Variants in C11orf54 observed in about 807,000 individuals in gnomAD.
C11orf54 encodes beta-keto L-gulonate decarboxylase.
A neutral mutation model predicts 35.5 loss-of-function variants in C11orf54; 29 were observed. That is an observed-to-expected ratio of 0.82 (90% CI 0.61 to 1.11). The LOEUF (loss-of-function observed/expected upper bound fraction) is 1.11, where lower values mean the gene tolerates loss of function less well. C11orf54 is among the 50% of genes most tolerant of loss of function. The probability of loss-of-function intolerance (pLI) is 0.00; values close to 1 mark genes in which losing one functional copy is unlikely to be tolerated. For synonymous variants in C11orf54, 108 were observed against 121.1 expected (o/e 0.89, Z 0.71); for missense variants, 373 against 369.2 (o/e 1.01, Z -0.08).
Position 93,753,917 on chromosome 11 carries a change from A to AT in C11orf54, c.229-13dup. The AT allele has an allele frequency of 6.2e-7, 1 of 1,605,834 alleles. No individual in the cohort carries two copies. Among genetic ancestry groups the AT allele is most frequent in the South Asian group, 1.1e-5 (1 of 90,666 alleles). On this transcript the variant is annotated intron_variant, in intron 4 of 8. Coordinates refer to ENST00000354421, the MANE Select transcript of C11orf54 (RefSeq NM_001286069.2). ...TTGTACAAGTTGTGACTTAAATAAT[A>AT]TTTTTTCCTCTTCTATAGGTTTATG...
At chr11:93,751,870 C>T (rs185521945) in intron 3 of C11orf54, among the ~76,000 whole-genome samples, 1,529 of 125,778 alleles carry the variant, frequency 0.012, 19 homozygotes, top group Middle Eastern at 0.091. Context: ...GATGGAATCT[C>T]GCTCTGTCGC....
At chr11:93,759,638 A>G (rs781385204) in intron 7 of C11orf54, 104 bp from the exon 8 acceptor site, 6 of 476,252 alleles carry the variant, frequency 1.3e-5, no homozygotes, top group Non-Finnish European at 1.6e-5. Context: ...CAGAACTTCA[A>G]GTATAATTAA....
At position 93,761,202 on chromosome 11, in the gene C11orf54, GA is replaced by G. The variant is rs572477378; in HGVS notation, c.775-306del. Among the ~76,000 whole-genome samples the G allele has an allele frequency of 2.5e-4, 38 of 152,112 alleles. No individual in the cohort carries two copies. In the South Asian group the frequency reaches 2.7e-3, roughly 11 times the overall value. ...AGATCTCAAAACTATATTGTTACAT[GA>G]AAAAAAGTTACATGCAGAAAAGTGT... On this transcript the variant is annotated intron_variant, in intron 8 of 8. Transcript: ENST00000354421.
chr11:93,748,681 C>T (rs1426880906), intron 2 of C11orf54, among the ~76,000 whole-genome samples: 1 of 147,342 alleles, frequency 6.8e-6, no homozygotes, highest in Admixed American at 6.8e-5. Flanking sequence ...ACTAAAAATA[C>T]AAAAATTAGC....
rs968512102 is a variant in C11orf54 at position 93,763,559 on chromosome 11, A to G, written c.*1871A>G. 6.6e-6 allele frequency: 1 copy of G among 152,254 alleles called. No homozygotes were observed. Among genetic ancestry groups the G allele is most frequent in the African/African-American group, 2.4e-5 (1 of 41,424 alleles). The allele number at this position is 152,254 out of a possible 1,614,324, so 9.4% of individuals were successfully genotyped here. A position where few individuals can be genotyped will look rare whatever the true frequency, so the allele number is the denominator to read the frequency against. On this transcript the variant is annotated 3_prime_UTR_variant, in exon 9 of 9. Transcript: ENST00000354421. ...CAGGAGTTCAAGGCCAGCCTGGGCA[A>G]CAGAGAGAGACCCCCATCTCTGCAA...
chr11:93,750,206 C>A (rs758546405), intron 2 of C11orf54, 140 bp from the exon 3 acceptor site: 5 of 602,034 alleles, frequency 8.3e-6, no homozygotes, highest in Non-Finnish European at 1.5e-5. Context: ...TAATTATATT[C>A]ATTAATAAGA....
intron 1 of C11orf54, among the ~76,000 whole-genome samples, chr11:93,742,347 G>C (rs1255765090): frequency 6.6e-6 from 1 of 151,108 alleles, no homozygotes; most frequent in African/African-American, 2.4e-5. Context: ...GCAACGGTGC[G>C]ATCTTGGCTC....
At chr11:93,761,061 T>C (rs190888732) in intron 8 of C11orf54, among the ~76,000 whole-genome samples, 10 of 152,302 alleles carry the variant, frequency 6.6e-5, no homozygotes, top group Admixed American at 6.5e-4. Flanking sequence ...TACAGTATTG[T>C]TGTAGTAGCA....
chr11:93,757,201 G>A, intron 6 of C11orf54, 115 bp from the exon 7 acceptor site: 1 of 1,134,934 alleles, frequency 8.8e-7, no homozygotes, highest in Non-Finnish European at 1.2e-6. Context: ...CTCAGATCTG[G>A]GGGCTCTAAG....
chr11:93,750,393 G>C lies in C11orf54; in HGVS notation c.103G>C (p.Val35Leu), dbSNP rs1942753544. Residue 35 changes from valine (V) to leucine (L), a missense_variant, in exon 3 of 9, where the codon GTA (valine) becomes CTA (leucine). Coordinates refer to ENST00000354421, the MANE Select transcript of C11orf54 (RefSeq NM_001286069.2). The part of the protein sequence containing the change: ...KDNFADVQVS[V>L]VDCPDLTKEP... ...TAACTTTGCTGATGTCCAGGTCTCT[G>C]TAGTTGATTGCCCTGATTTGACTAA... is the stretch of plus-strand genomic sequence containing the variant. 1 of 1,613,868 alleles carries C rather than the reference G, an allele frequency of 6.2e-7. No individual in the cohort carries two copies. The highest frequency in any genetic ancestry group is 8.5e-7 in the Non-Finnish European group (1 of 1,179,896).
rs750018465 is a variant in C11orf54, at chr11:93,757,458, A to C, written c.650A>C (p.His217Pro). The stretch of plus-strand genomic sequence containing the variant: ...ATTCAGAAGGGAAAAGTGAAGTCTC[A>C]CATTATGGTAAGAGCCCATGTGTGC... Reference protein sequence around the residue: ...FIIQKGKVKSHIMPAEFSSCP... With the variant: ...FIIQKGKVKSPIMPAEFSSCP... The change falls in exon 7 of 9, where the codon CAC becomes CCC. Residue 217 changes from histidine (H) to proline (P), a missense_variant. Coordinates refer to ENST00000354421, the MANE Select transcript of C11orf54 (RefSeq NM_001286069.2). 1.0e-5 allele frequency: 16 copies of C among 1,597,854 alleles called. No individual in the cohort carries two copies. Among genetic ancestry groups the C allele is most frequent in the Admixed American group, 6.7e-5 (4 of 59,952 alleles).
intron 3 of C11orf54, among the ~76,000 whole-genome samples, chr11:93,752,035 C>T (rs1230623381): frequency 2.0e-5 from 3 of 151,388 alleles, no homozygotes; most frequent in African/African-American, 7.3e-5. Flanking sequence ...TTAGTAGAGA[C>T]GGGGTTTCAT....
chr11:93,758,573 C>T (rs905633770), intron 7 of C11orf54, among the ~76,000 whole-genome samples: 2 of 152,244 alleles, frequency 1.3e-5, no homozygotes, highest in Admixed American at 1.3e-4. Context: ...GCTGTCGGCG[C>T]CTGCTCCGAT....
At chr11:93,742,455 T>C (rs550226432) in intron 1 of C11orf54, among the ~76,000 whole-genome samples, 14 of 152,260 alleles carry the variant, frequency 9.2e-5, no homozygotes, top group African/African-American at 3.4e-4. Flanking sequence ...AGCTAATTTT[T>C]GCATTTTTAG....
intron 3 of C11orf54, 103 bp downstream of exon 3, chr11:93,750,547 T>G (rs1591344132): frequency 1.1e-6 from 1 of 911,216 alleles, no homozygotes; most frequent in East Asian, 2.6e-5. Flanking sequence ...ATAAAGGATA[T>G]TGTCACAACA....
chr11:93,747,137 A>G (rs1270396138), intron 1 of C11orf54, 160 bp from the exon 2 acceptor site: 1 of 276,568 alleles, frequency 3.6e-6, no homozygotes, highest in Admixed American at 5.2e-5. Flanking sequence ...TTTAAATTTT[A>G]AATTACAATA....
chr11:93,751,380 A>T (rs1401031277), intron 3 of C11orf54, among the ~76,000 whole-genome samples: 1 of 145,926 alleles, frequency 6.9e-6, no homozygotes, highest in Non-Finnish European at 1.5e-5. Context: ...CAAAGGATTT[A>T]GCATAGTACT....
chr11:93,751,598 G>T (rs1942832082), intron 3 of C11orf54, among the ~76,000 whole-genome samples: 1 of 151,380 alleles, frequency 6.6e-6, no homozygotes, highest in Admixed American at 6.6e-5. Flanking sequence ...TAGAGACAGG[G>T]TTTCACCGTG....
In C11orf54 at chr11:93,761,603, T is replaced by C. The variant is rs754047903; in HGVS notation, c.863T>C (p.Val288Ala). The part of the protein sequence containing the change: ...HYHYDTTPDI[V>A]EYLGYFLPAE... ...CATTATGACACTACTCCAGATATAGTGGAATATCTTGGATACTTCTTACCT... is the reference window on the plus strand; with the variant it reads ...CATTATGACACTACTCCAGATATAGCGGAATATCTTGGATACTTCTTACCT... Residue 288 changes from valine (V) to alanine (A), a missense_variant, in exon 9 of 9, where the codon GTG (valine) becomes GCG (alanine). By Grantham distance (64) the Val-to-Ala change is moderately conservative (BLOSUM62 0). Transcript: ENST00000354421. 6.2e-7 allele frequency: 1 copy of C among 1,612,880 alleles called. No homozygotes were observed.
Sources: allele counts gnomAD v4.1 joint callset (sites outside exome capture counted in the v4.1 genomes callset), GRCh38; gene constraint gnomAD v4.1.1; transcripts MANE v1.5; gene names NCBI Gene and HGNC (gene_info 2026-07-23, HGNC 2026-07-21).